The following PITPNB variants were observed in gnomAD, a reference collection of about 807,000 sequenced individuals.
PITPNB encodes phosphatidylinositol transfer protein beta isoform.
PITPNB carries 16 observed loss-of-function variants against 45.9 expected under a neutral mutation model. The observed-to-expected ratio is 0.35, with a 90% CI of 0.24 to 0.53. The LOEUF is 0.53. Among genes scored for constraint, PITPNB ranks in the 20% least tolerant of loss-of-function variants. PITPNB has a pLI of 0.93. For synonymous variants in PITPNB, 112 were observed against 108.9 expected, an observed-to-expected ratio of 1.03 and a Z score of -0.18; for missense variants, 188 against 330.5, an observed-to-expected ratio of 0.57 and a Z score of 3.34.
intron 7 of PITPNB, among the ~76,000 whole-genome samples, chr22:27,875,128 G>T (rs1318956717): frequency 6.6e-6 from 1 of 152,230 alleles, no homozygotes; most frequent in Non-Finnish European, 1.5e-5. Flanking sequence ...GTTCAGTTCA[G>T]AGAGAAAACA....
At chr22:27,882,778 A>G (rs1251787813) in intron 7 of PITPNB, among the ~76,000 whole-genome samples, 2 of 152,192 alleles carry the variant, frequency 1.3e-5, no homozygotes, top group East Asian at 1.9e-4. Context: ...GTGAAGGAGC[A>G]CTCACATACT....
In PITPNB at chr22:27,914,367, A is replaced by AAT. The variant is rs1228186547; in HGVS notation, c.21-22_21-21dup. The AAT allele has an allele frequency of 6.0e-6, 9 of 1,497,942 alleles. No homozygotes were observed. Among genetic ancestry groups the AAT allele is most frequent in the South Asian group, 1.2e-5 (1 of 86,894 alleles). 92.8% of individuals were successfully genotyped at this position (1,497,942 alleles called of 1,614,324 possible). Reference sequence around the variant, plus strand: ...ACACGGCTAAAAAGACAAAAGAAAAAATATATATATTACATATGAAATAGC... The same window carrying AAT: ...ACACGGCTAAAAAGACAAAAGAAAAAATATATATATATTACATATGAAATAGC... On this transcript the variant is annotated intron_variant, in intron 1 of 11. Transcript: ENST00000335272.
At chr22:27,861,100 G>C (rs1934317460) in intron 8 of PITPNB, among the ~76,000 whole-genome samples, 1 of 151,742 alleles carries the variant, frequency 6.6e-6, no homozygotes, top group Non-Finnish European at 1.5e-5. Flanking sequence ...GGAGGCCGAG[G>C]TGGGCAGATC....
intron 7 of PITPNB, among the ~76,000 whole-genome samples, chr22:27,878,295 A>G (rs184263253): frequency 1.3e-5 from 2 of 152,348 alleles, no homozygotes; most frequent in Admixed American, 6.5e-5. Flanking sequence ...GGATCCTATC[A>G]CTGTTGACCC....
At chr22:27,863,240 G>A (rs956273692) in intron 8 of PITPNB, among the ~76,000 whole-genome samples, 6 of 152,028 alleles carry the variant, frequency 3.9e-5, no homozygotes, top group African/African-American at 1.4e-4. Flanking sequence ...CTCTCTCTGG[G>A]CCTCATTTCT....
At chr22:27,893,410 G>A (rs565478520) in intron 7 of PITPNB, among the ~76,000 whole-genome samples, 2 of 149,034 alleles carry the variant, frequency 1.3e-5, no homozygotes, top group East Asian at 4.0e-4. Context: ...TCAGCCTCCC[G>A]AGTAGCTGGG....
chr22:27,901,817 G>T (rs1935602902), intron 3 of PITPNB, among the ~76,000 whole-genome samples: 1 of 152,116 alleles, frequency 6.6e-6, no homozygotes, highest in South Asian at 2.1e-4. Flanking sequence ...CAGGGAGGTG[G>T]ACGCTGCAGT....
chr22:27,913,401 T>A (rs1340974925), intron 2 of PITPNB, among the ~76,000 whole-genome samples: 1 of 152,226 alleles, frequency 6.6e-6, no homozygotes, highest in Non-Finnish European at 1.5e-5. Context: ...GAAAACCAGA[T>A]AACTGAGCAA....
chr22:27,909,207 C>CTTTTTTTTTTTTTTTTTTTTTT (rs34224616), intron 3 of PITPNB, among the ~76,000 whole-genome samples: 59 of 82,224 alleles, frequency 7.2e-4, no homozygotes, highest in Admixed American at 1.5e-3. Context: ...ACTGGTAGTA[C>CTTTTTTTTTTTTTTTTTTTTTT]TTTTTTTTTT....
intron 7 of PITPNB, among the ~76,000 whole-genome samples, chr22:27,881,972 TA>T (rs1934987717): frequency 6.6e-6 from 1 of 152,216 alleles, no homozygotes; most frequent in African/African-American, 2.4e-5. Flanking sequence ...TTATAAAGAT[TA>T]TTTAGAGAGT....
At chr22:27,895,658 A>G (rs1007596901) in intron 6 of PITPNB, among the ~76,000 whole-genome samples, 1 of 152,208 alleles carries the variant, frequency 6.6e-6, no homozygotes, top group African/African-American at 2.4e-5. Context: ...CTCAAGTAAA[A>G]TACTACATAT....
chr22:27,871,850 T>C (rs1437135851), intron 8 of PITPNB, among the ~76,000 whole-genome samples: 1 of 152,138 alleles, frequency 6.6e-6, no homozygotes, highest in African/African-American at 2.4e-5. Context: ...AGATCCTTCA[T>C]GAATAGCTTG....
intron 3 of PITPNB, among the ~76,000 whole-genome samples, chr22:27,904,414 C>A (rs1194584479): frequency 6.6e-6 from 1 of 152,136 alleles, no homozygotes; most frequent in Non-Finnish European, 1.5e-5. Flanking sequence ...TATAAAATAT[C>A]CACAGTATAT....
chr22:27,863,326 G>A (rs1934392734), intron 8 of PITPNB, among the ~76,000 whole-genome samples: 2 of 152,164 alleles, frequency 1.3e-5, no homozygotes, highest in African/African-American at 4.8e-5. Flanking sequence ...GCAGGGGTGA[G>A]CGAACTAAGG....
chr22:27,914,053 T>C (rs1328639793), intron 2 of PITPNB, among the ~76,000 whole-genome samples: 1 of 152,236 alleles, frequency 6.6e-6, no homozygotes, highest in Admixed American at 6.5e-5. Flanking sequence ...TTCTCTGGGA[T>C]GTTGGAGAAA....
intron 10 of PITPNB, 100 bp from the exon 11 acceptor site, chr22:27,855,039 G>T: frequency 1.3e-6 from 1 of 796,814 alleles, no homozygotes; most frequent in Non-Finnish European, 2.2e-6. Flanking sequence ...ATGAAGTGAT[G>T]TTCATAACCA....
At chr22:27,887,221 T>C (rs1182214096) in intron 7 of PITPNB, among the ~76,000 whole-genome samples, 1 of 152,204 alleles carries the variant, frequency 6.6e-6, no homozygotes, top group Non-Finnish European at 1.5e-5. Context: ...TAGAGGAACA[T>C]GAATTCCCAG....
intron 7 of PITPNB, among the ~76,000 whole-genome samples, chr22:27,887,336 T>C (rs559962962): frequency 5.3e-5 from 8 of 152,224 alleles, no homozygotes; most frequent in Admixed American, 1.3e-4. Context: ...GGCCCAGACA[T>C]GATGGTGGTC....
At chr22:27,910,925 C>A (rs564653717) in intron 3 of PITPNB, 39 bp downstream of exon 3, 14 of 1,548,206 alleles carry the variant, frequency 9.0e-6, no homozygotes, top group Non-Finnish European at 1.2e-5. Context: ...CATAAGTAAG[C>A]CAGGTAGTTA....
Sources: allele counts gnomAD v4.1 joint callset (sites outside exome capture counted in the v4.1 genomes callset), GRCh38; gene constraint gnomAD v4.1.1; transcripts MANE v1.5; gene names NCBI Gene and HGNC (gene_info 2026-07-23, HGNC 2026-07-21).